The following HEMK2 variants were observed in gnomAD, a reference collection of about 807,000 sequenced individuals.
HEMK2 encodes methyltransferase HEMK2.
At chr21:28,768,798 A>T in the HEMK2 span, among the ~76,000 whole-genome samples, 1 of 151,994 alleles carries the variant, frequency 6.6e-6, no homozygotes, top group Admixed American at 6.6e-5. Context: ...CTATATTTGG[A>T]CACAGGATCT....
At chr21:28,718,984 A>C in the HEMK2 span, among the ~76,000 whole-genome samples, 13 of 151,884 alleles carry the variant, frequency 8.6e-5, no homozygotes, top group Non-Finnish European at 1.8e-4. Flanking sequence ...TCCCAGAAAA[A>C]CCTACTCATG....
chr21:28,625,891 A>T, the HEMK2 span, among the ~76,000 whole-genome samples: 1 of 152,220 alleles, frequency 6.6e-6, no homozygotes, highest in South Asian at 2.1e-4. Flanking sequence ...TTTATTGAAA[A>T]TATCCTGTAA....
chr21:28,795,029 C>A, the HEMK2 span, among the ~76,000 whole-genome samples: 3 of 152,166 alleles, frequency 2.0e-5, no homozygotes, highest in African/African-American at 4.8e-5. Context: ...TAGAACACTA[C>A]ATAAAAATGT....
At chr21:28,817,468 T>A in the HEMK2 span, among the ~76,000 whole-genome samples, 1 of 152,220 alleles carries the variant, frequency 6.6e-6, no homozygotes, top group Non-Finnish European at 1.5e-5. Flanking sequence ...TTACAAGTGA[T>A]CTCTCCATGA....
the HEMK2 span, among the ~76,000 whole-genome samples, chr21:28,610,078 A>G: frequency 6.6e-6 from 1 of 152,178 alleles, no homozygotes; most frequent in South Asian, 2.1e-4. Flanking sequence ...TTCATCACAA[A>G]GAGACCATCA....
chr21:28,693,846 C>T, the HEMK2 span, among the ~76,000 whole-genome samples: 2 of 152,140 alleles, frequency 1.3e-5, no homozygotes, highest in African/African-American at 4.8e-5. Context: ...GGAAGAAAGA[C>T]TCTAATTTTG....
chr21:28,695,064 G>A, the HEMK2 span, among the ~76,000 whole-genome samples: 1 of 151,844 alleles, frequency 6.6e-6, no homozygotes, highest in East Asian at 1.9e-4. Context: ...GCTAGGCTGA[G>A]TCAGGTATGA....
the HEMK2 span, among the ~76,000 whole-genome samples, chr21:28,696,379 C>A: frequency 2.0e-5 from 3 of 152,198 alleles, no homozygotes; most frequent in Non-Finnish European, 4.4e-5. Context: ...TAAAATTCAA[C>A]AGGGCAGTCT....
chr21:28,633,452 T>G, the HEMK2 span, among the ~76,000 whole-genome samples: 1 of 152,188 alleles, frequency 6.6e-6, no homozygotes, highest in Non-Finnish European at 1.5e-5. Context: ...CTATTTGTTT[T>G]CAAAATTATG....
chr21:28,801,431 A>C, the HEMK2 span, among the ~76,000 whole-genome samples: 2 of 152,228 alleles, frequency 1.3e-5, no homozygotes, highest in African/African-American at 4.8e-5. Flanking sequence ...AGTTGTAAAA[A>C]TAAATTATAA....
chr21:28,664,432 A>AT, the HEMK2 span, among the ~76,000 whole-genome samples: 13 of 152,136 alleles, frequency 8.5e-5, no homozygotes, highest in Non-Finnish European at 1.3e-4. Context: ...GGAGCAGTGG[A>AT]TTTTATCAAA....
At chr21:28,585,878 A>C in the HEMK2 span, among the ~76,000 whole-genome samples, 1 of 122,722 alleles carries the variant, frequency 8.1e-6, no homozygotes, top group Non-Finnish European at 2.1e-5. Flanking sequence ...TGAATAAAAC[A>C]AATTATAATA....
At chr21:28,607,439 A>C in the HEMK2 span, among the ~76,000 whole-genome samples, 1 of 152,156 alleles carries the variant, frequency 6.6e-6, no homozygotes, top group Non-Finnish European at 1.5e-5. Flanking sequence ...TAATACATAC[A>C]TCAATAAATA....
the HEMK2 span, among the ~76,000 whole-genome samples, chr21:28,592,868 T>A: frequency 2.0e-5 from 3 of 152,160 alleles, no homozygotes; most frequent in African/African-American, 7.2e-5. Context: ...AGTACTTACA[T>A]GAATAAGTGT....
the HEMK2 span, among the ~76,000 whole-genome samples, chr21:28,584,159 A>G: frequency 6.6e-6 from 1 of 152,186 alleles, no homozygotes; most frequent in African/African-American, 2.4e-5. Context: ...GATACTATTA[A>G]AATTCTCTCA....
chr21:28,758,201 C>T, the HEMK2 span, among the ~76,000 whole-genome samples: 6 of 152,100 alleles, frequency 3.9e-5, no homozygotes, highest in Non-Finnish European at 8.8e-5. Flanking sequence ...ACTAGCTGGT[C>T]AGTTATTTGC....
the HEMK2 span, among the ~76,000 whole-genome samples, chr21:28,696,522 G>A: frequency 6.6e-6 from 1 of 151,996 alleles, no homozygotes; most frequent in Admixed American, 6.6e-5. Flanking sequence ...CCCTCTCCTG[G>A]CTACTTTCAT....
chr21:28,691,788 A>T, the HEMK2 span, among the ~76,000 whole-genome samples: 1 of 152,096 alleles, frequency 6.6e-6, no homozygotes, highest in East Asian at 1.9e-4. Context: ...TCAAATGTTT[A>T]CTCTTTTGAA....
chr21:28,635,050 G>C, the HEMK2 span, among the ~76,000 whole-genome samples: 1 of 151,448 alleles, frequency 6.6e-6, no homozygotes, highest in African/African-American at 2.4e-5. Context: ...AGTCAGCAAA[G>C]TTCAAAATTA....
Sources: gnomAD v4.1 joint callset for allele counts (sites outside exome capture counted in the v4.1 genomes callset) on GRCh38, gnomAD v4.1.1 for gene constraint, MANE v1.5 for transcripts, NCBI Gene and HGNC (gene_info 2026-07-23, HGNC 2026-07-21) for gene names.